Variants in LMF2 observed in about 807,000 individuals in gnomAD.
LMF2 encodes the protein lipase maturation factor 2, also known as transmembrane protein 112B.
Under a neutral mutation model 81.5 loss-of-function variants are expected in LMF2, and 113 were observed. The observed-to-expected ratio is 1.39, with a 90% confidence interval of 1.19 to 1.62. The LOEUF is 1.62. Among genes scored for constraint, LMF2 ranks in the 40% most tolerant of loss-of-function variants. The pLI is 0.00. For missense variants in LMF2, 1,235 were observed against 929.1 expected, an observed-to-expected ratio of 1.33 and a Z score of -4.28; for synonymous variants, 645 against 424.5, an observed-to-expected ratio of 1.52 and a Z score of -6.39.
rs1306914163 is a variant in LMF2, at chr22:50,505,790, A to T, written c.800T>A (p.Ile267Asn). The change falls in exon 6 of 14, where the codon ATC becomes AAC. Residue 267 changes from isoleucine to asparagine, a missense_variant. Transcript: ENST00000474879. The part of the protein sequence containing the change: ...SQVLLQVLII[I>N]TGNYNFFNLM... ...GTTGAAGAAGTTGTAGTTGCCGGTG[A>T]TGATAATCAGGACCTGCAGCAGCAC... The T allele has an allele frequency of 1.9e-6, 3 of 1,613,142 alleles. No individual in the cohort carries two copies. Among genetic ancestry groups the T allele is most frequent in the Non-Finnish European group, 1.7e-6 (2 of 1,179,916 alleles).
At position 50,506,325 on chromosome 22, in the gene LMF2, G is replaced by C; in HGVS notation, c.555C>G (p.Val185=). 2 of 1,549,612 alleles carry C rather than the reference G, an allele frequency of 1.3e-6. No individual in the cohort carries two copies. The highest frequency in any genetic ancestry group is 1.4e-5 in the African/African-American group (1 of 73,168). ...ACGCAGGGCAGCGGCTGGTCAGCTTGACCACGCCTGAGGCGAACATGAGGC... is the reference window on the plus strand; with the variant it reads ...ACGCAGGGCAGCGGCTGGTCAGCTTCACCACGCCTGAGGCGAACATGAGGC... ...LFRLMFASGV[V]KLTSRCPAWW... is the part of the protein sequence containing the mutation. Residue 185 remains valine (V), a synonymous_variant, in exon 4 of 14, where the codon GTC becomes GTG. Transcript: ENST00000474879.
At position 50,505,106 on chromosome 22, in the gene LMF2, T is replaced by C. The variant is rs1274844102; in HGVS notation, c.1205A>G (p.Gln402Arg). ...GWLRKLSAVV[Q>R]LSLVGTATVA... ...GGTCGCAGTGCCCACAAGGGACAGT[T>C]GGACTACAGCACTGAGCTTCCGTAG... Residue 402 changes from glutamine to arginine, a missense_variant, in exon 9 of 14, where the codon CAA (glutamine) becomes CGA (arginine). Transcript: ENST00000474879. The C allele has an allele frequency of 6.2e-7, 1 of 1,612,930 alleles. No individual in the cohort carries two copies. The highest frequency in any genetic ancestry group is 1.7e-5 in the Admixed American group (1 of 60,028).
Position 50,505,670 on chromosome 22 carries a change from G to A in LMF2, c.916+4C>T, listed in dbSNP as rs376956523. The A allele has an allele frequency of 2.5e-6, 4 of 1,612,778 alleles. No individual in the cohort carries two copies. The highest frequency in any genetic ancestry group is 3.4e-6 in the Non-Finnish European group (4 of 1,179,864). On this transcript the variant is annotated splice_donor_region_variant and intron_variant, in intron 6 of 13. Transcript: ENST00000474879. ...GGGCAGGGGGCTGGACAAGTGACAC[G>A]CACAGGTGGCCGTCTTCTTGCGGCT...
chr22:50,505,804 C>T lies in LMF2; in HGVS notation c.786G>A (p.Gln262=), dbSNP rs138040094. 41 of 1,613,056 alleles carry T rather than the reference C, an allele frequency of 2.5e-5. No individual in the cohort carries two copies. The African/African-American group carries it at 5.2e-4, about 20-fold the overall frequency. The change falls in exon 6 of 14, where the codon CAG becomes CAA. Residue 262 remains glutamine, a synonymous_variant. Coordinates refer to ENST00000474879, the MANE Select transcript of LMF2 (RefSeq NM_033200.3). ...LAAFYSQVLL[Q]VLIIITGNYN... is the part of the protein sequence containing the mutation. Reference sequence around the variant, plus strand: ...AGTTGCCGGTGATGATAATCAGGACCTGCAGCAGCACCTGGGGGCGGCCCG... The same window carrying T: ...AGTTGCCGGTGATGATAATCAGGACTTGCAGCAGCACCTGGGGGCGGCCCG...
chr22:50,504,559 C>T lies in LMF2; in HGVS notation c.1606G>A (p.Val536Met). 6.3e-7 allele frequency: 1 copy of T among 1,590,238 alleles called. No individual in the cohort carries two copies. Among genetic ancestry groups the T allele is most frequent in the Non-Finnish European group, 8.5e-7 (1 of 1,172,556 alleles). ...VLRLLQGKEP[V>M]IRLVQSQVAR... ...CACACCCCCCAAGCCCGCTCCGCACCTGGCTCCTTGCCCTGCAGCAGGCGC... is the reference window on the plus strand; with the variant it reads ...CACACCCCCCAAGCCCGCTCCGCACTTGGCTCCTTGCCCTGCAGCAGGCGC... Residue 536 changes from valine (V) to methionine (M), a missense_variant and splice_region_variant, in exon 11 of 14, where the codon GTG becomes ATG. Physicochemically the swap from Val to Met is conservative, Grantham distance 21. Transcript: ENST00000474879.
chr22:50,503,982 T>TGCTCCTCA (rs145088379), intron 12 of LMF2, 78 bp from the exon 13 acceptor site: 4 of 1,300,660 alleles, frequency 3.1e-6, no homozygotes, highest in South Asian at 1.3e-5. Context: ...GCCTTACCCC[T>TGCTCCTCA]GCTCCTCAGC....
rs781526513 is a variant in LMF2 at position 50,504,357 on chromosome 22, G to A, written c.1701C>T (p.Ser567=). ...VRAQRYKYWF[S]QPGEQGQWWR... is the part of the protein sequence containing the mutation. ...AGCCTTACCCCTGCTCCCCAGGCTG[G>A]GAGAACCAGTACTTGTAGCGCTGGG... is the stretch of plus-strand genomic sequence containing the variant. Residue 567 remains serine (S), a synonymous_variant, in exon 12 of 14, where the codon TCC becomes TCT. Coordinates refer to ENST00000474879, the MANE Select transcript of LMF2 (RefSeq NM_033200.3). The A allele has an allele frequency of 3.1e-5, 50 of 1,611,514 alleles. 1 individual carries two copies. The South Asian group carries it at 4.8e-4, about 16-fold the overall frequency.
At chr22:50,503,782 C>T (rs559767248) in intron 13 of LMF2, 26 bp downstream of exon 13, 6 of 1,599,802 alleles carry the variant, frequency 3.8e-6, no homozygotes, top group South Asian at 3.3e-5. Flanking sequence ...CTGCCACCTC[C>T]CCCAGCCTGG....
In LMF2 at chr22:50,505,405, G is replaced by A. The variant is rs779939588; in HGVS notation, c.1049C>T (p.Thr350Ile). The A allele has an allele frequency of 6.2e-7, 1 of 1,613,222 alleles. No individual in the cohort carries two copies. The highest frequency in any genetic ancestry group is 8.5e-7 in the Non-Finnish European group (1 of 1,180,028). ...GGCCCCCCCAGGTCGGCACTCACTG[G>A]TTCTGGAGTGGATGGTGCGCTGCTG... ...DWQQRTIHSR[T>I]TFTFHQFSQW... Residue 350 changes from threonine (T) to isoleucine (I), a missense_variant and splice_region_variant, in exon 7 of 14, where the codon ACC becomes ATC. Thr to Ile is a moderately conservative substitution (Grantham distance 89, BLOSUM62 -1). Coordinates refer to ENST00000474879, the MANE Select transcript of LMF2 (RefSeq NM_033200.3).
chr22:50,506,661 G>A lies in LMF2; in HGVS notation c.354C>T (p.Gly118=), dbSNP rs1329448547. Residue 118 remains glycine (G), a synonymous_variant, in exon 3 of 14, where the codon GGC becomes GGT. Transcript: ENST00000474879. The part of the protein sequence containing the change: ...WAAYLSACQV[G]QVFLYFQWDS... Reference sequence around the variant, plus strand: ...ACCACTGGAAATAAAGGAACACCTGGCCCACCTGCGGAGAGAGGGGCTGTC... The same window carrying A: ...ACCACTGGAAATAAAGGAACACCTGACCCACCTGCGGAGAGAGGGGCTGTC... 6.8e-6 allele frequency: 11 copies of A among 1,613,410 alleles called. No homozygotes were observed. The highest frequency in any genetic ancestry group is 2.2e-5 in the East Asian group (1 of 44,888).
chr22:50,503,582 C>A lies in LMF2; in HGVS notation c.1933G>T (p.Ala645Ser). ...TGCACAAATCTGACAGCCCCCACGG[C>A]CATGAGGAGCCCCCAGAGCAGGGCG... is the stretch of plus-strand genomic sequence containing the variant. ...APALLWGLLM[A>S]VGAVRFVQAL... The change falls in exon 14 of 14, where the codon GCC becomes TCC. Residue 645 changes from alanine to serine, a missense_variant. Ala to Ser is a moderately conservative substitution (Grantham distance 99). Transcript: ENST00000474879. 1 of 1,543,974 alleles carries A rather than the reference C, an allele frequency of 6.5e-7. No individual in the cohort carries two copies.
rs1277503552 is a variant in LMF2, at chr22:50,506,913, C to T, written c.217G>A (p.Asp73Asn). The T allele has an allele frequency of 3.4e-5, 54 of 1,583,534 alleles. No homozygotes were observed. Among genetic ancestry groups the T allele is most frequent in the Non-Finnish European group, 4.6e-5 (54 of 1,166,730 alleles). The change falls in exon 2 of 14, where the codon GAC becomes AAC. Residue 73 changes from aspartate to asparagine, a missense_variant. By Grantham distance (23) the Asp-to-Asn change is conservative. Transcript: ENST00000474879. The part of the protein sequence containing the change: ...LLWEAPRLGL[D>N]TAQGLELLSL... ...AGCAGCTCCAGGCCCTGGGCCGTGT[C>T]CAGCCCCAGTCTCGGCGCTTCCCAC...
chr22:50,504,318 C>T (rs1569518038), intron 12 of LMF2, 22 bp downstream of exon 12: 4 of 1,586,148 alleles, frequency 2.5e-6, no homozygotes, highest in Non-Finnish European at 2.6e-6. Context: ...GGCTCCACAC[C>T]CCACCCGGTG....
Position 50,505,240 on chromosome 22 carries a change from A to C in LMF2, c.1146T>G (p.Ser382Arg). Residue 382 changes from serine (S) to arginine (R), a missense_variant, in exon 8 of 14, where the codon AGT (serine) becomes AGG (arginine). By Grantham distance (110) the Ser-to-Arg change is moderately radical (BLOSUM62 -1). Transcript: ENST00000474879. Reference sequence around the variant, plus strand: ...CCTGGGCCATGTACCTCCACAGGGCACTCAGCAGCTCCCAGACCAGGGAGG... The same window carrying C: ...CCTGGGCCATGTACCTCCACAGGGCCCTCAGCAGCTCCCAGACCAGGGAGG... ...GVASLVWELL[S>R]ALWRWTQVRG... is the part of the protein sequence containing the mutation. The C allele has an allele frequency of 6.2e-7, 1 of 1,613,060 alleles. No homozygotes were observed. Among genetic ancestry groups the C allele is most frequent in the East Asian group, 2.2e-5 (1 of 44,886 alleles).
chr22:50,505,828 C>T lies in LMF2; in HGVS notation c.775-13G>A, dbSNP rs766587047. 1.0e-4 allele frequency: 169 copies of T among 1,612,122 alleles called. No homozygotes were observed. The South Asian group carries it at 1.4e-3, about 13-fold the overall frequency. On this transcript the variant is annotated splice_polypyrimidine_tract_variant and intron_variant, in intron 5 of 13. Transcript: ENST00000474879. ...CCTGCAGCAGCACCTGGGGGCGGCC[C>T]GCTCTCAGTGCTCCCGGAGACTGAC...
Position 50,505,352 on chromosome 22 carries a change from T to C in LMF2, c.1052-18A>G. On this transcript the variant is annotated intron_variant, in intron 7 of 13. Transcript: ENST00000474879. ...GGTGAAAGCTGGTGGAGGAGGGGGG[T>C]GTGAGGACTGGTCCGCCCCTGCCCT... 1.2e-6 allele frequency: 2 copies of C among 1,612,442 alleles called. No individual in the cohort carries two copies. The highest frequency in any genetic ancestry group is 2.2e-5 in the East Asian group (1 of 44,848).
chr22:50,505,864 G>T (rs369043834), intron 5 of LMF2, 49 bp from the exon 6 acceptor site: 9 of 1,605,456 alleles, frequency 5.6e-6, no homozygotes, highest in Non-Finnish European at 7.7e-6. Flanking sequence ...GCCTGGCCCC[G>T]TGGCAGGCAC....
In LMF2 at chr22:50,503,491, C is replaced by T. The variant is rs987927137; in HGVS notation, c.2024G>A (p.Arg675Lys). 1.2e-5 allele frequency: 19 copies of T among 1,589,042 alleles called. No homozygotes were observed. The highest frequency in any genetic ancestry group is 2.2e-5 in the East Asian group (1 of 44,446). ...PLAPVSGEKR[R>K]PASQKDSGAA... ...TCCGGAGTCTTTCTGGGAGGCTGGC[C>T]TGCGCTTCTCCCCGCTGACTGGTGC... Residue 675 changes from arginine to lysine, a missense_variant, in exon 14 of 14, where the codon AGG becomes AAG. Transcript: ENST00000474879.
At chr22:50,504,495 G>GGGCCCCCC in intron 11 of LMF2, 44 bp from the exon 12 acceptor site, 1 of 1,339,596 alleles carries the variant, frequency 7.5e-7, no homozygotes, top group Non-Finnish European at 1.0e-6. Flanking sequence ...TACCCGCCCT[G>GGGCCCCCC]CCCCTCCCCT....
Sources: gnomAD v4.1 joint callset for allele counts on GRCh38, gnomAD v4.1.1 for gene constraint, MANE v1.5 for transcripts, NCBI Gene and HGNC (gene_info 2026-07-23, HGNC 2026-07-21) for gene names.